The following MGST1 variants were observed in gnomAD, a reference collection of about 807,000 sequenced individuals.
MGST1 encodes glutathione S-transferase 12.
A neutral mutation model predicts 8.9 loss-of-function variants in MGST1; 5 were observed. That is an observed-to-expected ratio of 0.56 (90% CI 0.29 to 1.19). The LOEUF (loss-of-function observed/expected upper bound fraction) is 1.19. Among genes scored for constraint, MGST1 ranks in the 50% most tolerant of loss-of-function variants. The pLI is 0.08. For synonymous variants in MGST1, 54 were observed against 67.8 expected (o/e 0.80, Z 1.00); for missense variants, 182 against 187.4 (o/e 0.97, Z 0.17).
intron 1 of MGST1, among the ~76,000 whole-genome samples, chr12:16,423,575 A>G (rs976676291): frequency 2.0e-5 from 3 of 152,108 alleles, no homozygotes; most frequent in East Asian, 1.9e-4. Context: ...CTTGTTGTCC[A>G]TGCTTATTAT....
Position 16,369,559 on chromosome 12 carries a change from G to A in MGST1, c.222-6563G>A, listed in dbSNP as rs1300531045. 6.6e-6 allele frequency among the ~76,000 whole-genome samples: 1 copy of A among 152,018 alleles called. No homozygotes were observed. Among genetic ancestry groups the A allele is most frequent in the African/African-American group, 2.4e-5 (1 of 41,378 alleles). ...AGTGCTCAGCAAACTATGGACTCTGGGCCAAATACAGCCCATGGGCTGTTT... is the reference window on the plus strand; with the variant it reads ...AGTGCTCAGCAAACTATGGACTCTGAGCCAAATACAGCCCATGGGCTGTTT... On this transcript the variant is annotated intron_variant, in intron 3 of 3. Coordinates refer to the MGST1 transcript ENST00000535309. This position sits in a 1 kb window ranked among gnomAD's most constrained non-coding sequence, Gnocchi z 4.8.
chr12:16,420,164 G>A lies in MGST1; in HGVS notation n.779-17224G>A, dbSNP rs549421329. 4.6e-5 allele frequency among the ~76,000 whole-genome samples: 7 copies of A among 152,106 alleles called. No individual in the cohort carries two copies. In the South Asian group the frequency reaches 1.5e-3, roughly 32 times the overall value. On this transcript the variant is annotated intron_variant and non_coding_transcript_variant, in intron 1 of 1. Transcript: ENST00000359720. ...TAATTTTTTCTCATCTATTTAATGA[G>A]TGACTTAAAAATATATATTTCATAA...
chr12:16,419,408 A>G (rs1382551942), intron 1 of MGST1, among the ~76,000 whole-genome samples: 1 of 151,814 alleles, frequency 6.6e-6, no homozygotes, highest in Non-Finnish European at 1.5e-5. Flanking sequence ...AACTTTAGAA[A>G]CCGTGGTCTG....
In MGST1 at chr12:16,513,828, T is replaced by C. The variant is rs531147015; in HGVS notation, n.483-75700T>C. On this transcript the variant is annotated intron_variant and non_coding_transcript_variant, in intron 4 of 4. Coordinates refer to the MGST1 transcript ENST00000538857. This position sits in a 1 kb window ranked among gnomAD's most constrained non-coding sequence, Gnocchi z 4.2. ...GAGCTAGTTTTCTGCAAAGATTTCT[T>C]AAGTTCAGCCAAGATGTCTTTCTGC... is the stretch of plus-strand genomic sequence containing the variant. 9.8e-6 allele frequency: 6 copies of C among 611,120 alleles called. No individual in the cohort carries two copies. The East Asian group carries it at 2.2e-4, about 23-fold the overall frequency. The allele number at this position is 611,120 out of a possible 1,614,324, so 37.9% of individuals were successfully genotyped here.
intron 1 of MGST1, among the ~76,000 whole-genome samples, chr12:16,425,148 GAGTTA>G (rs1277242419): frequency 6.6e-6 from 1 of 152,098 alleles, no homozygotes; most frequent in Admixed American, 6.5e-5. Flanking sequence ...TATGGTCTTT[GAGTTA>G]AGTTTAGTTT....
Position 16,363,731 on chromosome 12 carries a change from A to C in MGST1, c.222-64A>C, listed in dbSNP as rs1410677715. The C allele has an allele frequency of 2.2e-6, 3 of 1,345,386 alleles. No individual in the cohort carries two copies. The African/African-American group carries it at 4.3e-5, about 19-fold the overall frequency. The allele number at this position is 1,345,386 out of a possible 1,614,324, so 83.3% of individuals were successfully genotyped here. A position where few individuals can be genotyped will look rare whatever the true frequency, so the allele number is the denominator to read the frequency against. ...CTCAGATTTAGTTTTTAGAAGAGAG[A>C]GAAAAAAGGATACATATCTAGTATT... On this transcript the variant is annotated intron_variant, in intron 3 of 3. Transcript: ENST00000396210. The surrounding 1 kb of genome is among the most constrained non-coding windows in gnomAD (Gnocchi z 4.6).
downstream of MGST1, among the ~76,000 whole-genome samples, chr12:16,368,687 A>C (rs1940235983): frequency 6.6e-6 from 1 of 152,134 alleles, no homozygotes; most frequent in Admixed American, 6.5e-5. Flanking sequence ...CATGTACAAG[A>C]TTGTGGATGA....
At chr12:16,550,812 T>C (rs1330383185) in intron 4 of MGST1, 1 of 155,816 alleles carries the variant, frequency 6.4e-6, no homozygotes, top group Non-Finnish European at 1.4e-5. Flanking sequence ...AGCATAAATA[T>C]ACAGTAAGTT....
At chr12:16,381,443 T>C (rs961103188), downstream of MGST1, among the ~76,000 whole-genome samples, 2 of 152,200 alleles carry the variant, frequency 1.3e-5, no homozygotes, top group Non-Finnish European at 2.9e-5. Context: ...AAAATTCTTT[T>C]CTTTAAGAAT....
At chr12:16,390,158 T>A (rs1940537663) in intron 1 of MGST1, among the ~76,000 whole-genome samples, 1 of 152,054 alleles carries the variant, frequency 6.6e-6, no homozygotes, top group African/African-American at 2.4e-5. Flanking sequence ...ATACAGGTTT[T>A]ATGGGGCCTA....
chr12:16,430,720 T>A (rs1940931211), intron 1 of MGST1, among the ~76,000 whole-genome samples: 1 of 152,180 alleles, frequency 6.6e-6, no homozygotes, highest in South Asian at 2.1e-4. Context: ...CATTTATAGA[T>A]CATAGACAGA....
chr12:16,556,446 GTTA>G (rs1942193210), intron 4 of MGST1, among the ~76,000 whole-genome samples: 2 of 152,038 alleles, frequency 1.3e-5, no homozygotes, highest in Admixed American at 6.6e-5. Flanking sequence ...ATCCTGAAAG[GTTA>G]TTATTACTGC....
rs1264186906 is a variant in MGST1 at position 16,497,886 on chromosome 12, T to A, written n.483-91642T>A. 6.6e-6 allele frequency among the ~76,000 whole-genome samples: 1 copy of A among 152,192 alleles called. No individual in the cohort carries two copies. The highest frequency in any genetic ancestry group is 2.4e-5 in the African/African-American group (1 of 41,464). On this transcript the variant is annotated intron_variant and non_coding_transcript_variant, in intron 4 of 4. Transcript: ENST00000538857. This position sits in a 1 kb window ranked among gnomAD's most constrained non-coding sequence, Gnocchi z 4.4. ...AATTCCGGAGTAGGGCTCAGGAATC[T>A]GCATTTCTACCAGTTCTAGTCTAGA...
chr12:16,470,682 A>G (rs150973714), intron 4 of MGST1, among the ~76,000 whole-genome samples: 1 of 152,190 alleles, frequency 6.6e-6, no homozygotes, highest in Non-Finnish European at 1.5e-5. Context: ...TTGAATCATT[A>G]TACATTTAAT....
chr12:16,535,232 A>C (rs1042599248), intron 4 of MGST1, among the ~76,000 whole-genome samples: 19 of 152,332 alleles, frequency 1.2e-4, no homozygotes, highest in African/African-American at 3.6e-4. Flanking sequence ...CTAGGGTGGG[A>C]TCCAAAAGGA....
At chr12:16,457,229 A>T (rs558456640) in intron 4 of MGST1, among the ~76,000 whole-genome samples, 158 of 152,130 alleles carry the variant, frequency 1.0e-3, no homozygotes, top group Non-Finnish European at 1.9e-3. Context: ...TACTCCAATT[A>T]CAGTCCTAAA....
chr12:16,484,118 C>T (rs1941383533), intron 4 of MGST1, among the ~76,000 whole-genome samples: 1 of 152,168 alleles, frequency 6.6e-6, no homozygotes. Flanking sequence ...GACTCCCTTG[C>T]AGCTAGTACT....
intron 4 of MGST1, among the ~76,000 whole-genome samples, chr12:16,498,508 G>A (rs1418645630): frequency 6.6e-6 from 1 of 152,138 alleles, no homozygotes; most frequent in Non-Finnish European, 1.5e-5. Context: ...TCCAGCTAAG[G>A]CTGACATAGA....
chr12:16,407,703 G>T (rs1225373675), intron 1 of MGST1, among the ~76,000 whole-genome samples: 2 of 151,872 alleles, frequency 1.3e-5, no homozygotes, highest in Non-Finnish European at 2.9e-5. Context: ...AAAAAATATG[G>T]TACACATACA....
Sources: gnomAD v4.1 joint callset for allele counts (sites outside exome capture counted in the v4.1 genomes callset) on GRCh38, gnomAD v4.1.1 for gene constraint, Gnocchi (gnomAD v3.1) non-coding constraint, MANE v1.5 for transcripts, NCBI Gene and HGNC (gene_info 2026-07-23, HGNC 2026-07-21) for gene names.